Variants in ALDH1L1 observed in about 807,000 individuals in gnomAD.
The protein encoded by ALDH1L1 is cytosolic 10-formyltetrahydrofolate dehydrogenase.
ALDH1L1 carries 68 observed loss-of-function variants against 101.1 expected under a neutral mutation model. That is an observed-to-expected ratio of 0.67 (90% CI 0.55 to 0.82). The LOEUF is 0.82. Among genes scored for constraint, ALDH1L1 ranks in the 40% least tolerant of loss-of-function variants. The pLI is 0.00. For synonymous variants in ALDH1L1, 486 were observed against 470.8 expected, an observed-to-expected ratio of 1.03 and a Z score of -0.42; for missense variants, 1,087 against 1,172.7, an observed-to-expected ratio of 0.93 and a Z score of 1.07.
chr3:126,194,183 G>A (rs1393444500), intron 1 of ALDH1L1, among the ~76,000 whole-genome samples: 1 of 152,118 alleles, frequency 6.6e-6, no homozygotes, highest in African/African-American at 2.4e-5. Context: ...CCATAATTAT[G>A]ATTGATAGCA....
Position 126,158,534 on chromosome 3 carries a change from G to A in ALDH1L1, c.233C>T (p.Ala78Val). 2 of 1,614,190 alleles carry A rather than the reference G, an allele frequency of 1.2e-6. No homozygotes were observed. The highest frequency in any genetic ancestry group is 2.7e-5 in the African/African-American group (2 of 75,052). ...GCAGAAGGGCAGGACGTTGAGCTCGGCCCCCAAAGCCTGGTATTTTGCCAC... is the reference window on the plus strand; with the variant it reads ...GCAGAAGGGCAGGACGTTGAGCTCGACCCCCAAAGCCTGGTATTTTGCCAC... ...DVVAKYQALG[A>V]ELNVLPFCSQ... Residue 78 changes from alanine (A) to valine (V), a missense_variant, in exon 3 of 23, where the codon GCC (alanine) becomes GTC (valine). Physicochemically the swap from Ala to Val is moderately conservative, Grantham distance 64. Transcript: ENST00000393434.
chr3:126,125,780 T>C, intron 14 of ALDH1L1, 59 bp from the exon 15 acceptor site: 2 of 1,251,468 alleles, frequency 1.6e-6, no homozygotes, highest in Non-Finnish European at 2.1e-6. Context: ...ACAGTGGACC[T>C]GCCAATTCCC....
chr3:126,112,749 C>A, intron 19 of ALDH1L1, 33 bp downstream of exon 19: 2 of 1,602,462 alleles, frequency 1.2e-6, no homozygotes, highest in Non-Finnish European at 1.7e-6. Context: ...TCCCAGTGAA[C>A]CAGCCGCCCG....
At chr3:126,155,164 T>A (rs2080879935) in intron 5 of ALDH1L1, among the ~76,000 whole-genome samples, 1 of 152,086 alleles carries the variant, frequency 6.6e-6, no homozygotes, top group Non-Finnish European at 1.5e-5. Flanking sequence ...TGCCCATTCC[T>A]CCTAAAGAGG....
chr3:126,130,244 A>G lies in ALDH1L1; in HGVS notation c.1673T>C (p.Leu558Ser). Residue 558 changes from leucine to serine, a missense_variant, in exon 14 of 23, where the codon TTG becomes TCG. Leu to Ser is a moderately radical substitution (Grantham distance 145). Transcript: ENST00000393434. ...NQARPNRNLT[L>S]TRKEPVGVCG... ...TCACCCAACAGGCTCCTTCCTGGTC[A>G]AGGTCAGGTTGCGGTTGGGTCTGGC... is the stretch of plus-strand genomic sequence containing the variant. 1 of 1,609,996 alleles carries G rather than the reference A, an allele frequency of 6.2e-7. No homozygotes were observed. The highest frequency in any genetic ancestry group is 8.5e-7 in the Non-Finnish European group (1 of 1,178,048).
intron 4 of ALDH1L1, chr3:126,156,168 G>A (rs1158871620): frequency 6.6e-6 from 1 of 152,282 alleles, no homozygotes; most frequent in Non-Finnish European, 1.5e-5. Flanking sequence ...CTGAGACTGA[G>A]GAACTGAATT....
chr3:126,188,559 C>T (rs969342418), intron 1 of ALDH1L1, among the ~76,000 whole-genome samples: 6 of 152,192 alleles, frequency 3.9e-5, no homozygotes, highest in African/African-American at 1.4e-4. Context: ...CAACCCCTTC[C>T]TTTTGGTCAG....
chr3:126,114,877 T>G (rs529303397), intron 17 of ALDH1L1: 7 of 583,478 alleles, frequency 1.2e-5, no homozygotes, highest in Non-Finnish European at 1.6e-5. Flanking sequence ...CACTGCCCCC[T>G]GGACTGCCCT....
chr3:126,169,964 C>T (rs1418411379), intron 1 of ALDH1L1, among the ~76,000 whole-genome samples: 1 of 151,986 alleles, frequency 6.6e-6, no homozygotes, highest in African/African-American at 2.4e-5. Context: ...AAATTATATC[C>T]GTTACAGAAA....
intron 10 of ALDH1L1, among the ~76,000 whole-genome samples, chr3:126,137,332 T>C (rs927477097): frequency 6.6e-6 from 1 of 152,210 alleles, no homozygotes; most frequent in Non-Finnish European, 1.5e-5. Context: ...TAGGTCCACC[T>C]TGGCCCCTTA....
intron 15 of ALDH1L1, 132 bp from the exon 16 acceptor site, chr3:126,124,583 G>A (rs1283208573): frequency 1.2e-5 from 9 of 742,086 alleles, no homozygotes; most frequent in Non-Finnish European, 2.3e-6. Flanking sequence ...GTGGCACCAG[G>A]AAGACCCCAG....
intron 17 of ALDH1L1, among the ~76,000 whole-genome samples, chr3:126,115,726 C>T (rs2079952393): frequency 1.3e-5 from 2 of 152,114 alleles, no homozygotes; most frequent in African/African-American, 4.8e-5. Context: ...AGGCACGTGC[C>T]ACCACGCCCG....
intron 7 of ALDH1L1, chr3:126,151,596 A>C (rs1390265594): frequency 6.6e-6 from 1 of 152,240 alleles, no homozygotes; most frequent in Non-Finnish European, 1.5e-5. Flanking sequence ...CATGTACAAA[A>C]AGAGTTATGG....
At chr3:126,113,380 G>A (rs533425286) in intron 18 of ALDH1L1, among the ~76,000 whole-genome samples, 27 of 152,320 alleles carry the variant, frequency 1.8e-4, no homozygotes, top group Admixed American at 1.2e-3. Flanking sequence ...TGGGTGAGAG[G>A]TGGGGCAGCC....
chr3:126,123,635 C>CAA (rs10652286), intron 16 of ALDH1L1, among the ~76,000 whole-genome samples: 4,284 of 128,834 alleles, frequency 0.033, 166 homozygotes, highest in African/African-American at 0.091. Flanking sequence ...CAAAAAGCTG[C>CAA]AAAAAAAAAA....
rs2080749847 is a variant in ALDH1L1, at chr3:126,148,719, T to C, written c.984+1687A>G. Among the ~76,000 whole-genome samples the C allele has an allele frequency of 2.0e-5, 3 of 148,870 alleles. No individual in the cohort carries two copies. In the South Asian group the frequency reaches 6.4e-4, roughly 32 times the overall value. On this transcript the variant is annotated intron_variant, in intron 8 of 22. Transcript: ENST00000393434. ...GAGGGCACCTACTGCATAGAGTTGT[T>C]ATCATGAATAAACACGCCGCTCTTC...
chr3:126,194,432 G>A (rs1357624665), intron 1 of ALDH1L1, among the ~76,000 whole-genome samples: 1 of 152,154 alleles, frequency 6.6e-6, no homozygotes, highest in Non-Finnish European at 1.5e-5. Context: ...ATTTTGGAAA[G>A]CCTATCAAAT....
intron 11 of ALDH1L1, 56 bp from the exon 12 acceptor site, chr3:126,135,718 C>G (rs1345527588): frequency 6.9e-7 from 1 of 1,446,884 alleles, no homozygotes; most frequent in Admixed American, 2.6e-5. Flanking sequence ...CACACAGATA[C>G]CCCTGCCTGC....
At chr3:126,142,187 A>G (rs1396284455) in intron 9 of ALDH1L1, among the ~76,000 whole-genome samples, 1 of 148,102 alleles carries the variant, frequency 6.8e-6, no homozygotes, top group Non-Finnish European at 1.5e-5. Flanking sequence ...CTAGTAAGGA[A>G]ACTGAATCAG....
Sources: allele counts gnomAD v4.1 joint callset (sites outside exome capture counted in the v4.1 genomes callset), GRCh38; gene constraint gnomAD v4.1.1; transcripts MANE v1.5; gene names NCBI Gene and HGNC (gene_info 2026-07-23, HGNC 2026-07-21).